PLEKHA7: variants seen among roughly 807,000 people sequenced by gnomAD.
PLEKHA7 encodes pleckstrin homology domain containing A7.
Under a neutral mutation model 170.0 loss-of-function variants are expected in PLEKHA7, and 104 were observed. The observed-to-expected ratio is 0.61, with a 90% CI of 0.52 to 0.72. The LOEUF is 0.72. Among genes scored for constraint, PLEKHA7 ranks in the 30% least tolerant of loss-of-function variants. The probability of loss-of-function intolerance (pLI) is 0.00; values close to 1 mark genes in which losing one functional copy is unlikely to be tolerated. For synonymous variants in PLEKHA7, 648 were observed against 660.8 expected (o/e 0.98, Z 0.30); for missense variants, 1,615 against 1,671.7 (o/e 0.97, Z 0.59).
At chr11:17,002,106 G>A (rs1864701549) in intron 3 of PLEKHA7, among the ~76,000 whole-genome samples, 1 of 152,216 alleles carries the variant, frequency 6.6e-6, no homozygotes, top group South Asian at 2.1e-4. Context: ...ACAGTTCTGT[G>A]TGGGGACTAT....
At chr11:16,858,966 G>A (rs747872850) in intron 4 of PLEKHA7, among the ~76,000 whole-genome samples, 3 of 152,180 alleles carry the variant, frequency 2.0e-5, no homozygotes, top group Non-Finnish European at 4.4e-5. Flanking sequence ...GGCAAGGAGT[G>A]CGGAAAGAAT....
intron 3 of PLEKHA7, among the ~76,000 whole-genome samples, chr11:16,935,044 C>T (rs959580068): frequency 3.3e-5 from 5 of 152,168 alleles, no homozygotes; most frequent in South Asian, 2.1e-4. Context: ...AGGAACAAGA[C>T]GCCAGTTCAG....
intron 3 of PLEKHA7, among the ~76,000 whole-genome samples, chr11:16,914,867 C>G (rs1858520894): frequency 6.6e-6 from 1 of 152,206 alleles, no homozygotes; most frequent in Admixed American, 6.5e-5. Context: ...GGACTAAATG[C>G]TTGTCACTTG....
chr11:16,822,600 T>A (rs187277593), intron 10 of PLEKHA7, among the ~76,000 whole-genome samples: 2 of 151,780 alleles, frequency 1.3e-5, no homozygotes, highest in Non-Finnish European at 2.9e-5. Context: ...CTCCTTCCAG[T>A]TGAAACTCTC....
At position 16,789,132 on chromosome 11, in the gene PLEKHA7, G is replaced by A; in HGVS notation, c.3321C>T (p.Arg1107=). Residue 1107 remains arginine, a synonymous_variant, in exon 23 of 27, where the codon CGC becomes CGT. Coordinates refer to ENST00000531066, the MANE Select transcript of PLEKHA7 (RefSeq NM_001329630.2). This position sits in a 1 kb window ranked among gnomAD's most constrained non-coding sequence, Gnocchi z 4.6. ...QGERTGLPSS[R]YLSRPLPGDL... is the part of the protein sequence containing the mutation. Reference sequence around the variant, plus strand: ...CTCCAGGGAGCGGCCGGCTGAGGTAGCGAGATGAGGGCAGGCCCGTCCTCT... The same window carrying A: ...CTCCAGGGAGCGGCCGGCTGAGGTAACGAGATGAGGGCAGGCCCGTCCTCT... The A allele has an allele frequency of 1.2e-6, 2 of 1,608,630 alleles. No individual in the cohort carries two copies. Among genetic ancestry groups the A allele is most frequent in the Non-Finnish European group, 1.7e-6 (2 of 1,179,992 alleles).
chr11:16,906,608 C>A (rs1257902576), intron 3 of PLEKHA7, among the ~76,000 whole-genome samples: 1 of 138,822 alleles, frequency 7.2e-6, no homozygotes, highest in South Asian at 2.4e-4. Context: ...CAGACGGAGT[C>A]GCGTTCACTC....
chr11:16,966,404 C>T (rs968461055), intron 3 of PLEKHA7, among the ~76,000 whole-genome samples: 4 of 151,836 alleles, frequency 2.6e-5, no homozygotes, highest in African/African-American at 9.7e-5. Context: ...TGTGACACAC[C>T]TTGAGGGATG....
intron 8 of PLEKHA7, among the ~76,000 whole-genome samples, chr11:16,847,842 CAAAAAAAAAAAAAA>C (rs35191685): frequency 3.0e-5 from 3 of 101,466 alleles, no homozygotes; most frequent in African/African-American, 1.1e-4. Context: ...AATTCTGTCT[CAAAAAAAAAAAAAA>C]AAAAAAAAAT....
intron 10 of PLEKHA7, among the ~76,000 whole-genome samples, chr11:16,824,472 T>C (rs766769369): frequency 6.6e-6 from 1 of 152,260 alleles, no homozygotes; most frequent in Non-Finnish European, 1.5e-5. Context: ...CCTGTGATTA[T>C]TATGCATTGC....
At position 16,906,894 on chromosome 11, in the gene PLEKHA7, C is replaced by T. The variant is rs6486319; in HGVS notation, c.222-35712G>A. Among the ~76,000 whole-genome samples the T allele has an allele frequency of 2.7e-5, 3 of 112,076 alleles. 1 individual carries two copies. Among genetic ancestry groups the T allele is most frequent in the South Asian group, 6.2e-4 (2 of 3,234 alleles). The allele number at this position is 112,076 out of a possible 152,430, so 73.5% of individuals were successfully genotyped here. On this transcript the variant is annotated intron_variant, in intron 3 of 26. Coordinates refer to ENST00000531066, the MANE Select transcript of PLEKHA7 (RefSeq NM_001329630.2). ...TAGGAAGTGAGGAGCGTCTCTGCCA[C>T]GCCGCCCATCGTCTGAGATGTGGGG... is the stretch of plus-strand genomic sequence containing the variant.
chr11:16,844,886 T>C (rs997058206), intron 8 of PLEKHA7, among the ~76,000 whole-genome samples: 12 of 152,192 alleles, frequency 7.9e-5, no homozygotes, highest in African/African-American at 2.4e-5. Flanking sequence ...TCAACAATAA[T>C]GAATCATTTA....
intron 3 of PLEKHA7, among the ~76,000 whole-genome samples, chr11:16,892,430 GTGTGTTT>G (rs755062690): frequency 2.7e-3 from 221 of 80,696 alleles, no homozygotes; most frequent in African/African-American, 6.4e-3. Context: ...GTGTGTGTGT[GTGTGTTT>G]TGTTTTGTTT....
chr11:16,817,215 G>A lies in PLEKHA7; in HGVS notation c.1451C>T (p.Ser484Phe), dbSNP rs552493483. ...TGGCAGGTTTCGGGGAGGTGGCGAG[G>A]AGCCCCCCGAGGGGTGTCGGGTGCT... ...PKSTRHPSGGSSPPPRNLPSD... is the reference protein window; with the variant it reads ...PKSTRHPSGGFSPPPRNLPSD... Residue 484 changes from serine to phenylalanine, a missense_variant, in exon 11 of 27, where the codon TCC becomes TTC. Coordinates refer to ENST00000531066, the MANE Select transcript of PLEKHA7 (RefSeq NM_001329630.2). This position sits in a 1 kb window ranked among gnomAD's most constrained non-coding sequence, Gnocchi z 4.4. 1.9e-6 allele frequency: 3 copies of A among 1,614,064 alleles called. No individual in the cohort carries two copies. Among genetic ancestry groups the A allele is most frequent in the African/African-American group, 1.3e-5 (1 of 75,070 alleles).
intron 3 of PLEKHA7, among the ~76,000 whole-genome samples, chr11:16,931,094 C>T (rs1315215671): frequency 2.6e-5 from 4 of 152,166 alleles, no homozygotes; most frequent in Non-Finnish European, 5.9e-5. Context: ...TAATAAATAG[C>T]TTTATTGATT....
intron 3 of PLEKHA7, among the ~76,000 whole-genome samples, chr11:16,981,437 C>T (rs759033221): frequency 2.0e-5 from 3 of 152,152 alleles, no homozygotes; most frequent in Non-Finnish European, 4.4e-5. Context: ...CCCTGGTCCA[C>T]GGAAGAGAAG....
At chr11:16,899,584 A>C (rs1353832416) in intron 3 of PLEKHA7, among the ~76,000 whole-genome samples, 1 of 152,206 alleles carries the variant, frequency 6.6e-6, no homozygotes, top group African/African-American at 2.4e-5. Flanking sequence ...AAAACTGGGT[A>C]ATTTTCTCTG....
At chr11:16,876,971 T>A (rs1855346527) in intron 3 of PLEKHA7, among the ~76,000 whole-genome samples, 1 of 152,108 alleles carries the variant, frequency 6.6e-6, no homozygotes, top group Non-Finnish European at 1.5e-5. Flanking sequence ...CTGACAGTAG[T>A]GGTGTTGGTA....
chr11:16,916,527 T>G (rs1391500654), intron 3 of PLEKHA7, among the ~76,000 whole-genome samples: 1 of 152,184 alleles, frequency 6.6e-6, no homozygotes, highest in East Asian at 1.9e-4. Context: ...CCTCAGGCAA[T>G]TGTTTTGAAG....
intron 8 of PLEKHA7, among the ~76,000 whole-genome samples, chr11:16,847,352 A>G (rs965977794): frequency 6.6e-6 from 1 of 151,784 alleles, no homozygotes; most frequent in African/African-American, 2.4e-5. Context: ...TCTGCCTCCC[A>G]AAGTCCTGGG....
Sources: allele counts gnomAD v4.1 joint callset (sites outside exome capture counted in the v4.1 genomes callset), GRCh38; gene constraint gnomAD v4.1.1; non-coding constraint Gnocchi (gnomAD v3.1); transcripts MANE v1.5; gene names NCBI Gene and HGNC (gene_info 2026-07-23, HGNC 2026-07-21).